Variants in LSMEM2 observed in about 807,000 individuals in gnomAD.
LSMEM2 encodes leucine rich single-pass membrane protein 2.
In LSMEM2, 20 loss-of-function variants were observed where a neutral mutation model predicts 17.3. That is an observed-to-expected ratio of 1.16 (90% CI 0.81 to 1.68). The LOEUF (loss-of-function observed/expected upper bound fraction) is 1.68. LSMEM2 is among the 40% of genes most tolerant of loss of function. LSMEM2 has a pLI of 0.00. For synonymous variants in LSMEM2, 94 were observed against 97.8 expected, an observed-to-expected ratio of 0.96 and a Z score of 0.23; for missense variants, 207 against 214.3, an observed-to-expected ratio of 0.97 and a Z score of 0.21.
chr3:50,286,939 G>A (rs1250021171), intron 3 of LSMEM2, 77 bp downstream of exon 3: 1 of 1,587,736 alleles, frequency 6.3e-7, no homozygotes, highest in Non-Finnish European at 8.6e-7. Context: ...GCAGCTGGAA[G>A]GAGTAACTGC....
chr3:50,285,346 A>G (rs1701491661), intron 1 of LSMEM2, among the ~76,000 whole-genome samples: 1 of 151,230 alleles, frequency 6.6e-6, no homozygotes, highest in Admixed American at 6.6e-5. Context: ...AACCAAACCA[A>G]AACAAAAAAC....
rs782029715 is a variant in LSMEM2, at chr3:50,286,726, G to A, written c.225G>A (p.Leu75=). 4 of 1,614,246 alleles carry A rather than the reference G, an allele frequency of 2.5e-6. No individual in the cohort carries two copies. Among genetic ancestry groups the A allele is most frequent in the Non-Finnish European group, 2.5e-6 (3 of 1,180,046 alleles). ...AAGAGGCACGACCGTGGGATGAGCT[G>A]CTGGGCGTTTTGCCGCCGTCACTGT... ...LTEEARPWDE[L]LGVLPPSLCA... The change falls in exon 3 of 4, where the codon CTG becomes CTA. Residue 75 remains leucine, a synonymous_variant. Transcript: ENST00000316436.
chr3:50,286,681 A>T lies in LSMEM2; in HGVS notation c.180A>T (p.Thr60=). The change falls in exon 3 of 4, where the codon ACA becomes ACT. Residue 60 remains threonine, a synonymous_variant. Transcript: ENST00000316436. ...AATGTCCCATCCACCCAGCAGGCAC[A>T]CTGCGCCCCTATCTAACTGAAGAGG... ...SISDLHSGAG[T]LRPYLTEEAR... is the part of the protein sequence containing the mutation. The T allele has an allele frequency of 6.2e-7, 1 of 1,613,780 alleles. No homozygotes were observed. The highest frequency in any genetic ancestry group is 8.5e-7 in the Non-Finnish European group (1 of 1,179,808).
chr3:50,288,057 C>T lies in LSMEM2; in HGVS notation c.*855C>T. On this transcript the variant is annotated 3_prime_UTR_variant, in exon 4 of 4. Transcript: ENST00000316436. ...AAGTGTCCGGGCCCCCAGCTACCCA[C>T]CCCATGTCTGTTTTTGGTTTTGTCA... The T allele has an allele frequency of 2.4e-6, 2 of 816,474 alleles. No homozygotes were observed. Among genetic ancestry groups the T allele is most frequent in the Non-Finnish European group, 4.0e-6 (2 of 501,440 alleles). 50.6% of individuals were successfully genotyped at this position (816,474 alleles called of 1,614,324 possible). A position where few individuals can be genotyped will look rare whatever the true frequency, so the allele number is the denominator to read the frequency against.
chr3:50,281,058 AT>A (rs36050686), intron 1 of LSMEM2, among the ~76,000 whole-genome samples: 5,370 of 142,034 alleles, frequency 0.038, 293 homozygotes, highest in African/African-American at 0.12. Context: ...AAAGAGGGAA[AT>A]TTTTTTTTTT....
chr3:50,282,285 G>A (rs2109262988), intron 1 of LSMEM2, among the ~76,000 whole-genome samples: 1 of 152,256 alleles, frequency 6.6e-6, no homozygotes, highest in East Asian at 1.9e-4. Flanking sequence ...CACAGTGCCC[G>A]GCCCAAAGAG....
At chr3:50,278,681 C>T (rs973467179), upstream of LSMEM2, among the ~76,000 whole-genome samples, 2 of 152,166 alleles carry the variant, frequency 1.3e-5, no homozygotes, top group Non-Finnish European at 2.9e-5. Context: ...TGTGTGCTAG[C>T]AGGTCATGCA....
At chr3:50,278,990 C>G, upstream of LSMEM2, 1 of 985,602 alleles carries the variant, frequency 1.0e-6, no homozygotes, top group Non-Finnish European at 1.6e-6. Context: ...CTGAGGGCTG[C>G]CCCCTCTAAA....
At chr3:50,279,925 G>C (rs1291642920) in intron 1 of LSMEM2, among the ~76,000 whole-genome samples, 1 of 151,942 alleles carries the variant, frequency 6.6e-6, no homozygotes, top group Non-Finnish European at 1.5e-5. Flanking sequence ...ACCCAGGCCG[G>C]AGTACAGTGG....
chr3:50,286,563 A>G lies in LSMEM2; in HGVS notation c.151A>G (p.Ile51Val), dbSNP rs1188932585. Reference sequence around the variant, plus strand: ...GGTATGCCTGCACCAGGTGGAGTCCATCAGCGACCTACATAGTGGAGGTGA... The same window carrying G: ...GGTATGCCTGCACCAGGTGGAGTCCGTCAGCGACCTACATAGTGGAGGTGA... Reference protein sequence around the residue: ...HEVCLHQVESISDLHSGAGTL... With the variant: ...HEVCLHQVESVSDLHSGAGTL... Residue 51 changes from isoleucine (I) to valine (V), a missense_variant, in exon 2 of 4, where the codon ATC (isoleucine) becomes GTC (valine). Transcript: ENST00000316436. 1 of 1,612,302 alleles carries G rather than the reference A, an allele frequency of 6.2e-7. No individual in the cohort carries two copies. Among genetic ancestry groups the G allele is most frequent in the African/African-American group, 1.3e-5 (1 of 74,930 alleles).
In LSMEM2 at chr3:50,287,727, AG is replaced by A; in HGVS notation, c.*529del. On this transcript the variant is annotated 3_prime_UTR_variant, in exon 4 of 4. Transcript: ENST00000316436. ...GGGGAGGGAGAACAGAAAAATACCC[AG>A]GGGTTAAGACCACAGAAGGCTGACC... The A allele has an allele frequency of 2.4e-5, 5 of 211,934 alleles. No individual in the cohort carries two copies. The South Asian group carries it at 4.2e-4, about 18-fold the overall frequency. The allele number at this position is 211,934 out of a possible 1,614,324, so 13.1% of individuals were successfully genotyped here.
rs1553708494 is a variant in LSMEM2, at chr3:50,286,536, G to A, written c.124G>A (p.Glu42Lys). 1.9e-6 allele frequency: 3 copies of A among 1,612,352 alleles called. No individual in the cohort carries two copies. Among genetic ancestry groups the A allele is most frequent in the Non-Finnish European group, 2.5e-6 (3 of 1,179,430 alleles). Residue 42 changes from glutamate (E) to lysine (K), a missense_variant, in exon 2 of 4, where the codon GAG (glutamate) becomes AAG (lysine). Glu to Lys is a moderately conservative substitution (Grantham distance 56, BLOSUM62 1). Coordinates refer to ENST00000316436, the MANE Select transcript of LSMEM2 (RefSeq NM_153215.3). ...GCCATTGGCCCCCAACCACGTGCATGAGGTATGCCTGCACCAGGTGGAGTC... is the reference window on the plus strand; with the variant it reads ...GCCATTGGCCCCCAACCACGTGCATAAGGTATGCCTGCACCAGGTGGAGTC... ...RGPLAPNHVH[E>K]VCLHQVESIS...
chr3:50,287,454 C>T lies in LSMEM2; in HGVS notation c.*252C>T. On this transcript the variant is annotated 3_prime_UTR_variant, in exon 4 of 4. Coordinates refer to ENST00000316436, the MANE Select transcript of LSMEM2 (RefSeq NM_153215.3). ...AGGTCAGGGGAAGGGGCACCAGCCT[C>T]CTGGCTCCTCCTGTGGCCTGTCAAC... 1 of 548,956 alleles carries T rather than the reference C, an allele frequency of 1.8e-6. No homozygotes were observed. Among genetic ancestry groups the T allele is most frequent in the Non-Finnish European group, 3.3e-6 (1 of 305,980 alleles). 34.0% of individuals were successfully genotyped at this position (548,956 alleles called of 1,614,324 possible). A position where few individuals can be genotyped will look rare whatever the true frequency, so the allele number is the denominator to read the frequency against.
intron 1 of LSMEM2, among the ~76,000 whole-genome samples, chr3:50,284,673 C>T (rs1188153868): frequency 6.6e-6 from 1 of 152,100 alleles, no homozygotes; most frequent in African/African-American, 2.4e-5. Context: ...GTGGAGGCTG[C>T]GGTGAACTGT....
At chr3:50,285,410 C>A (rs587658750) in intron 1 of LSMEM2, among the ~76,000 whole-genome samples, 21 of 151,568 alleles carry the variant, frequency 1.4e-4, no homozygotes, top group African/African-American at 2.4e-5. Flanking sequence ...AAGGCCGAGG[C>A]GGGCAGATCA....
chr3:50,287,228 G>C lies in LSMEM2; in HGVS notation c.*26G>C. 1 of 1,613,478 alleles carries C rather than the reference G, an allele frequency of 6.2e-7. No homozygotes were observed. The highest frequency in any genetic ancestry group is 1.3e-5 in the African/African-American group (1 of 75,012). ...GATGCCATTTGGATCTGGGGCCTGGGGGTGTGTGTTGGTGGGGGAATAAAG... is the reference window on the plus strand; with the variant it reads ...GATGCCATTTGGATCTGGGGCCTGGCGGTGTGTGTTGGTGGGGGAATAAAG... On this transcript the variant is annotated 3_prime_UTR_variant, in exon 4 of 4. Coordinates refer to ENST00000316436, the MANE Select transcript of LSMEM2 (RefSeq NM_153215.3).
Position 50,286,870 on chromosome 3 carries a change from C to T in LSMEM2, c.361+8C>T, listed in dbSNP as rs371486985. ...TGGCTGTCTACCTGAGCGGTATGGA[C>T]GCATAGGGTGCTAGTAGGAATGGAA... On this transcript the variant is annotated splice_region_variant and intron_variant, in intron 3 of 3. Coordinates refer to ENST00000316436, the MANE Select transcript of LSMEM2 (RefSeq NM_153215.3). 1.2e-5 allele frequency: 20 copies of T among 1,612,832 alleles called. No homozygotes were observed. Among genetic ancestry groups the T allele is most frequent in the Admixed American group, 5.0e-5 (3 of 59,936 alleles).
intron 1 of LSMEM2, 94 bp from the exon 2 acceptor site, chr3:50,286,377 C>T: frequency 6.8e-7 from 1 of 1,473,816 alleles, no homozygotes; most frequent in Middle Eastern, 2.5e-4. Context: ...CCCACTATCC[C>T]TATCATCCGC....
intron 1 of LSMEM2, among the ~76,000 whole-genome samples, chr3:50,280,122 C>T (rs1553707568): frequency 1.3e-5 from 2 of 148,520 alleles, no homozygotes; most frequent in Non-Finnish European, 3.0e-5. Flanking sequence ...AGCCACCCAC[C>T]TCAGCCTCCC....
Sources: gnomAD v4.1 joint callset for allele counts (sites outside exome capture counted in the v4.1 genomes callset) on GRCh38, gnomAD v4.1.1 for gene constraint, MANE v1.5 for transcripts, NCBI Gene and HGNC (gene_info 2026-07-23, HGNC 2026-07-21) for gene names.